The following NOX4 variants were observed in gnomAD, a reference collection of about 807,000 sequenced individuals.
NOX4 encodes NADPH oxidase 4.
Under a neutral mutation model 87.6 loss-of-function variants are expected in NOX4, and 69 were observed. That is an observed-to-expected ratio of 0.79 (90% confidence interval 0.65 to 0.96). The LOEUF is 0.96. NOX4 is among the 40% of genes least tolerant of loss of function. NOX4 has a pLI of 0.00. For missense variants in NOX4, 680 were observed against 681.5 expected, an observed-to-expected ratio of 1.00 and a Z score of 0.02; for synonymous variants, 275 against 238.2, an observed-to-expected ratio of 1.15 and a Z score of -1.42.
intron 2 of NOX4, among the ~76,000 whole-genome samples, chr11:89,472,419 G>T (rs1200808380): frequency 6.6e-6 from 1 of 151,900 alleles, no homozygotes; most frequent in South Asian, 2.1e-4. Context: ...AGAAAAAAAA[G>T]GTGTAATTTT....
chr11:89,435,916 A>T (rs1440554078), intron 6 of NOX4, among the ~76,000 whole-genome samples: 1 of 152,166 alleles, frequency 6.6e-6, no homozygotes, highest in East Asian at 1.9e-4. Context: ...AAAAAGACCA[A>T]AGTGTACAAT....
Position 89,432,943 on chromosome 11 carries a change from G to A in NOX4, c.476-87C>T, listed in dbSNP as rs1004130718. ...TGATTATATTAGAATCCGAAATACT[G>A]TGCTGTTCTGTGGGAAGCCTAATTC... On this transcript the variant is annotated intron_variant, in intron 6 of 17. Coordinates refer to ENST00000263317, the MANE Select transcript of NOX4 (RefSeq NM_016931.5). The A allele has an allele frequency of 5.9e-6, 5 of 844,268 alleles. No individual in the cohort carries two copies. In the African/African-American group the frequency reaches 8.5e-5, roughly 14 times the overall value. The allele number at this position is 844,268 out of a possible 1,614,324, so 52.3% of individuals were successfully genotyped here.
At chr11:89,491,078 G>T in intron 1 of NOX4, 112 bp downstream of exon 1, 1 of 1,083,944 alleles carries the variant, frequency 9.2e-7, no homozygotes. Context: ...GAGAATGTTC[G>T]AATTAAGACA....
chr11:89,375,907 C>T (rs1030909336), intron 11 of NOX4, among the ~76,000 whole-genome samples: 7 of 152,164 alleles, frequency 4.6e-5, no homozygotes, highest in African/African-American at 1.7e-4. Flanking sequence ...AATGTTTGTC[C>T]TTGTGTGCCT....
intron 12 of NOX4, among the ~76,000 whole-genome samples, chr11:89,363,541 T>A (rs1938697102): frequency 6.6e-6 from 1 of 152,002 alleles, no homozygotes. Context: ...TGAAAAGAAT[T>A]TAGAATGTAA....
intron 2 of NOX4, among the ~76,000 whole-genome samples, chr11:89,458,203 G>A (rs1945293708): frequency 6.6e-6 from 1 of 152,024 alleles, no homozygotes; most frequent in Non-Finnish European, 1.5e-5. Context: ...TAGGAAAACT[G>A]GCTAGCCATT....
intron 2 of NOX4, among the ~76,000 whole-genome samples, chr11:89,467,349 CAAAAAAAAAAAAAA>C (rs71052233): frequency 3.3e-5 from 2 of 61,460 alleles, no homozygotes; most frequent in Non-Finnish European, 6.4e-5. Context: ...AAACTCGTCA[CAAAAAAAAAAAAAA>C]AAAAAAAAAA....
Position 89,325,829 on chromosome 11 carries a change from A to C in NOX4, c.*927T>G, listed in dbSNP as rs1298369012. On this transcript the variant is annotated 3_prime_UTR_variant, in exon 18 of 18. Transcript: ENST00000263317. ...GACAAACCCTACCTGGGAAAAAAAC[A>C]ATAATAATAATAGAGACAAAAATGC... 2.7e-5 allele frequency: 4 copies of C among 150,844 alleles called. No homozygotes were observed. The highest frequency in any genetic ancestry group is 9.7e-5 in the African/African-American group (4 of 41,170). The allele number at this position is 150,844 out of a possible 1,614,324, so 9.3% of individuals were successfully genotyped here.
At position 89,337,450 on chromosome 11, in the gene NOX4, T is replaced by C; in HGVS notation, c.1512A>G (p.Ile504Met). The C allele has an allele frequency of 4.3e-6, 7 of 1,612,190 alleles. 1 individual carries two copies. The highest frequency in any genetic ancestry group is 5.9e-6 in the Non-Finnish European group (7 of 1,178,666). The change falls in exon 16 of 18, where the codon ATA (isoleucine) becomes ATG (methionine). Residue 504 changes from isoleucine (I) to methionine (M), a missense_variant. Ile to Met is a conservative substitution (Grantham distance 10, BLOSUM62 1). Coordinates refer to ENST00000263317, the MANE Select transcript of NOX4 (RefSeq NM_016931.5). ...TACGATAACATCAACCACATACCTG[T>C]ATCCCATCTGTTTGACTGAGGTACA... ...IQLYLSQTDG[I>M]QKIIGEKYHA...
the NOX4 span, among the ~76,000 whole-genome samples, chr11:89,549,597 C>G: frequency 1.3e-5 from 2 of 152,248 alleles, no homozygotes; most frequent in Non-Finnish European, 2.9e-5. Context: ...CCCATCAACC[C>G]GTCATCTACA....
chr11:89,505,072 ACT>A, the NOX4 span, among the ~76,000 whole-genome samples: 1 of 151,618 alleles, frequency 6.6e-6, no homozygotes, highest in Non-Finnish European at 1.5e-5. Flanking sequence ...TGCCTTAATC[ACT>A]CTTTGTTAGC....
chr11:89,533,596 A>G, the NOX4 span: 1 of 152,084 alleles, frequency 6.6e-6, no homozygotes, highest in Non-Finnish European at 1.5e-5. Flanking sequence ...TTTGAGTGAG[A>G]ACTAAAATTC....
rs550551832 is a variant in NOX4, at chr11:89,345,583, T to C, written c.1218-3390A>G. On this transcript the variant is annotated intron_variant, in intron 13 of 17. Transcript: ENST00000263317. Reference sequence around the variant, plus strand: ...AGGTAATTTTTTCAATCCCTGCACCTTTCCCTCCCACATCTTGTATTCCCC... The same window carrying C: ...AGGTAATTTTTTCAATCCCTGCACCCTTCCCTCCCACATCTTGTATTCCCC... Among the ~76,000 whole-genome samples the C allele has an allele frequency of 2.0e-5, 3 of 152,272 alleles. No homozygotes were observed. The South Asian group carries it at 6.2e-4, about 32-fold the overall frequency.
chr11:89,551,752 G>C, the NOX4 span, among the ~76,000 whole-genome samples: 1 of 151,872 alleles, frequency 6.6e-6, no homozygotes, highest in African/African-American at 2.4e-5. Context: ...GAGACAATTT[G>C]ATTTCCTCTC....
chr11:89,587,349 A>G, the NOX4 span, among the ~76,000 whole-genome samples: 2 of 152,214 alleles, frequency 1.3e-5, no homozygotes, highest in Non-Finnish European at 2.9e-5. Flanking sequence ...TAAGAAGATA[A>G]TGTACTGAAT....
chr11:89,483,236 G>C (rs898640838), intron 2 of NOX4, among the ~76,000 whole-genome samples: 1 of 152,044 alleles, frequency 6.6e-6, no homozygotes, highest in Non-Finnish European at 1.5e-5. Context: ...CTATTAGGTT[G>C]AGCCATATAA....
At chr11:89,567,306 A>T in the NOX4 span, among the ~76,000 whole-genome samples, 1 of 152,080 alleles carries the variant, frequency 6.6e-6, no homozygotes, top group East Asian at 1.9e-4. Context: ...CCCGGATGAC[A>T]TGCACCTGCC....
intron 5 of NOX4, among the ~76,000 whole-genome samples, chr11:89,442,716 T>A (rs957046700): frequency 5.3e-5 from 8 of 152,160 alleles, no homozygotes; most frequent in African/African-American, 1.7e-4. Context: ...TTTAAAATAT[T>A]TTATATTGAG....
the NOX4 span, among the ~76,000 whole-genome samples, chr11:89,546,177 T>A: frequency 6.6e-6 from 1 of 152,184 alleles, no homozygotes; most frequent in Non-Finnish European, 1.5e-5. Flanking sequence ...TCAAAATTAC[T>A]CTTCTGCATA....
Sources: allele counts gnomAD v4.1 joint callset (sites outside exome capture counted in the v4.1 genomes callset), GRCh38; gene constraint gnomAD v4.1.1; transcripts MANE v1.5; gene names NCBI Gene and HGNC (gene_info 2026-07-23, HGNC 2026-07-21).